CDH10: variants seen among roughly 807,000 people sequenced by gnomAD.
The protein encoded by CDH10 is cadherin 10, also known as cadherin-10.
CDH10 carries 30 observed loss-of-function variants against 73.1 expected under a neutral mutation model. The ratio of observed to expected loss-of-function variants is 0.41; its 90% CI spans 0.31 to 0.56. The LOEUF (loss-of-function observed/expected upper bound fraction) is 0.56. Among genes scored for constraint, CDH10 ranks in the 20% least tolerant of loss-of-function variants. The pLI is 0.27. For missense variants in CDH10, 815 were observed against 973.7 expected, an observed-to-expected ratio of 0.84 and a Z score of 2.17; for synonymous variants, 345 against 348.2, an observed-to-expected ratio of 0.99 and a Z score of 0.10.
chr5:24,564,590 C>G (rs1016545585), intron 2 of CDH10, among the ~76,000 whole-genome samples: 1 of 152,056 alleles, frequency 6.6e-6, no homozygotes, highest in Admixed American at 6.6e-5. Context: ...CCCCCACGGC[C>G]CCCTCCAGGA....
At chr5:24,640,501 T>C (rs376500022) in intron 1 of CDH10, among the ~76,000 whole-genome samples, 14 of 151,084 alleles carry the variant, frequency 9.3e-5, no homozygotes, top group African/African-American at 3.2e-4. Context: ...CATCACATCA[T>C]ATAGAGTATG....
intron 1 of CDH10, among the ~76,000 whole-genome samples, chr5:24,605,082 T>C: frequency 6.6e-6 from 1 of 151,918 alleles, no homozygotes; most frequent in Admixed American, 6.6e-5. Flanking sequence ...AATATATAGA[T>C]GGAAAATAAG....
At chr5:24,495,434 C>T (rs1345305990) in intron 9 of CDH10, among the ~76,000 whole-genome samples, 13 of 151,988 alleles carry the variant, frequency 8.6e-5, no homozygotes, top group African/African-American at 4.8e-5. Context: ...TGTCTGGAAC[C>T]GTGAATGGGT....
chr5:24,494,888 A>T (rs1048478887), intron 9 of CDH10, among the ~76,000 whole-genome samples: 2 of 152,262 alleles, frequency 1.3e-5, no homozygotes, highest in African/African-American at 4.8e-5. Flanking sequence ...ACATTACAGT[A>T]TATTTTTATG....
At chr5:24,639,499 A>G (rs1041733900) in intron 1 of CDH10, among the ~76,000 whole-genome samples, 1 of 151,746 alleles carries the variant, frequency 6.6e-6, no homozygotes, top group Admixed American at 6.6e-5. Context: ...AATTCCCAGT[A>G]TAACTCAAGG....
chr5:24,545,791 G>A (rs771177749), intron 2 of CDH10, among the ~76,000 whole-genome samples: 21 of 151,778 alleles, frequency 1.4e-4, no homozygotes, highest in Non-Finnish European at 2.2e-4. Context: ...GACATTCTGG[G>A]AGACAGAGTA....
chr5:24,541,216 C>T (rs1261023958), intron 2 of CDH10, among the ~76,000 whole-genome samples: 1 of 151,960 alleles, frequency 6.6e-6, no homozygotes, highest in Non-Finnish European at 1.5e-5. Flanking sequence ...CAGAAACAGA[C>T]CAAAGGACAA....
intron 2 of CDH10, among the ~76,000 whole-genome samples, chr5:24,581,540 G>A (rs147949245): frequency 1.8e-3 from 273 of 152,206 alleles, no homozygotes; most frequent in Non-Finnish European, 2.4e-3. Flanking sequence ...TGCAAGCTTC[G>A]TGAGGACAGG....
Position 24,573,770 on chromosome 5 carries a change from TATG to T in CDH10, c.231+19487_231+19489del, listed in dbSNP as rs200007312. On this transcript the variant is annotated intron_variant, in intron 2 of 11. Coordinates refer to ENST00000264463, the MANE Select transcript of CDH10 (RefSeq NM_006727.5). Reference sequence around the variant, plus strand: ...AGTTCAATTTTCAATTATCATAATATATGTATTTATATCTTGTATATATTCATA... The same window carrying T: ...AGTTCAATTTTCAATTATCATAATATTATTTATATCTTGTATATATTCATA... Among the ~76,000 whole-genome samples the T allele has an allele frequency of 3.7e-3, 551 of 148,628 alleles. 28 individuals are homozygous for T. In the East Asian group the frequency reaches 0.085, roughly 23 times the overall value.
chr5:24,593,901 T>A (rs1386343046), intron 1 of CDH10, among the ~76,000 whole-genome samples: 1 of 151,972 alleles, frequency 6.6e-6, no homozygotes, highest in East Asian at 1.9e-4. Flanking sequence ...ATTACATTGC[T>A]ATATACACAG....
At chr5:24,633,225 T>C (rs1747760367) in intron 1 of CDH10, among the ~76,000 whole-genome samples, 1 of 151,828 alleles carries the variant, frequency 6.6e-6, no homozygotes, top group Admixed American at 6.6e-5. Flanking sequence ...TATTATTTTC[T>C]TTTTAAGTAT....
chr5:24,626,751 G>A lies in CDH10; in HGVS notation c.-124+17843C>T, dbSNP rs1747513349. Among the ~76,000 whole-genome samples, 4 of 151,190 alleles carry A rather than the reference G, an allele frequency of 2.6e-5. No individual in the cohort carries two copies. The South Asian group carries it at 8.4e-4, about 32-fold the overall frequency. ...AACATGCCACTGCACTCCAGCCTGGGCAACAGAGCAAGACTCTGTCTCAAA... is the reference window on the plus strand; with the variant it reads ...AACATGCCACTGCACTCCAGCCTGGACAACAGAGCAAGACTCTGTCTCAAA... On this transcript the variant is annotated intron_variant, in intron 1 of 11. Transcript: ENST00000264463.
chr5:24,564,276 C>A (rs891855244), intron 2 of CDH10, among the ~76,000 whole-genome samples: 1 of 152,108 alleles, frequency 6.6e-6, no homozygotes, highest in African/African-American at 2.4e-5. Flanking sequence ...ATAGGTTGTA[C>A]CAAAATGTCG....
At chr5:24,609,877 C>T (rs976161337) in intron 1 of CDH10, 1 of 152,266 alleles carries the variant, frequency 6.6e-6, no homozygotes, top group Admixed American at 6.5e-5. Flanking sequence ...AATGACTAAT[C>T]GTGCTGCTCA....
chr5:24,568,206 T>C (rs1385518884), intron 2 of CDH10, among the ~76,000 whole-genome samples: 1 of 152,072 alleles, frequency 6.6e-6, no homozygotes, highest in Non-Finnish European at 1.5e-5. Context: ...AAAATATTAA[T>C]ATTTTGGAAA....
At chr5:24,492,749 A>G in intron 10 of CDH10, 68 bp downstream of exon 10, 5 of 747,862 alleles carry the variant, frequency 6.7e-6, no homozygotes, top group South Asian at 1.5e-5. Flanking sequence ...ATATATTGCA[A>G]TGGTTACACT....
At chr5:24,640,370 G>A (rs1300598988) in intron 1 of CDH10, among the ~76,000 whole-genome samples, 1 of 151,644 alleles carries the variant, frequency 6.6e-6, no homozygotes, top group East Asian at 1.9e-4. Context: ...GGGCTCTGAA[G>A]TGTTTAGAAA....
At chr5:24,531,436 C>T (rs940976999) in intron 5 of CDH10, among the ~76,000 whole-genome samples, 2 of 152,056 alleles carry the variant, frequency 1.3e-5, no homozygotes, top group Non-Finnish European at 2.9e-5. Context: ...AGTCTATTCT[C>T]ATGCTGCTGA....
chr5:24,549,869 G>T (rs1744482143), intron 2 of CDH10, among the ~76,000 whole-genome samples: 1 of 151,920 alleles, frequency 6.6e-6, no homozygotes, highest in African/African-American at 2.4e-5. Flanking sequence ...ACATCTTAAA[G>T]CATTGATTAA....
Sources: gnomAD v4.1 joint callset for allele counts (sites outside exome capture counted in the v4.1 genomes callset) on GRCh38, gnomAD v4.1.1 for gene constraint, MANE v1.5 for transcripts, NCBI Gene and HGNC (gene_info 2026-07-23, HGNC 2026-07-21) for gene names.